The following AGBL3 variants were observed in gnomAD, a reference collection of about 807,000 sequenced individuals.
AGBL3 encodes the protein AGBL carboxypeptidase 3.
AGBL3 carries 68 observed loss-of-function variants against 94.5 expected under a neutral mutation model. The observed-to-expected ratio is 0.72, with a 90% CI of 0.59 to 0.88. AGBL3 has a LOEUF of 0.88. Among genes scored for constraint, AGBL3 ranks in the 40% least tolerant of loss-of-function variants. The probability of loss-of-function intolerance (pLI) is 0.00; values close to 1 mark genes in which losing one functional copy is unlikely to be tolerated. For missense variants in AGBL3, 934 were observed against 1,103.8 expected (o/e 0.85, Z 2.18); for synonymous variants, 354 against 370.7 (o/e 0.95, Z 0.52).
At chr7:135,010,055 C>A in intron 4 of AGBL3, 1 of 433,182 alleles carries the variant, frequency 2.3e-6, no homozygotes, top group South Asian at 1.6e-5. Context: ...GAGTCTCATG[C>A]TGGAGTGAGT....
chr7:135,045,474 G>A lies in AGBL3; in HGVS notation c.1628G>A (p.Gly543Asp), dbSNP rs1409778940. The A allele has an allele frequency of 1.3e-6, 2 of 1,550,346 alleles. No homozygotes were observed. The highest frequency in any genetic ancestry group is 1.7e-6 in the Non-Finnish European group (2 of 1,146,032). ...MEATFCGSTL[G>D]NKRGTHFSTK... is the part of the protein sequence containing the mutation. Reference sequence around the variant, plus strand: ...GTGGATAAACTTATTGATGTTTTAGGTAACAAACGAGGCACTCATTTCAGC... The same window carrying A: ...GTGGATAAACTTATTGATGTTTTAGATAACAAACGAGGCACTCATTTCAGC... Residue 543 changes from glycine (G) to aspartate (D), a missense_variant and splice_region_variant, in exon 10 of 17, where the codon GGT (glycine) becomes GAT (aspartate). By Grantham distance (94) the Gly-to-Asp change is moderately conservative. Transcript: ENST00000436302.
Position 135,000,797 on chromosome 7 carries a change from G to A in AGBL3, c.310+7119G>A, listed in dbSNP as rs185161086. Among the ~76,000 whole-genome samples, 7 of 152,178 alleles carry A rather than the reference G, an allele frequency of 4.6e-5. No individual in the cohort carries two copies. In the East Asian group the frequency reaches 7.7e-4, roughly 17 times the overall value. The stretch of plus-strand genomic sequence containing the variant: ...CCGAACAATTTCTGGTCCAAATTCC[G>A]GCAGTCACTGCTGGATGGTGCTCAC... On this transcript the variant is annotated intron_variant, in intron 4 of 16. Transcript: ENST00000436302.
intron 4 of AGBL3, among the ~76,000 whole-genome samples, chr7:135,004,693 A>C (rs1166449217): frequency 6.6e-6 from 1 of 151,622 alleles, no homozygotes; most frequent in East Asian, 1.9e-4. Flanking sequence ...AAATTTAAGC[A>C]AAGCATTCTC....
intron 9 of AGBL3, among the ~76,000 whole-genome samples, chr7:135,044,647 A>C (rs1019067558): frequency 2.6e-5 from 4 of 152,178 alleles, no homozygotes; most frequent in Admixed American, 6.5e-5. Context: ...TCACATTATC[A>C]GAAAAATGTA....
chr7:135,069,514 TAAC>T (rs1205361763), intron 12 of AGBL3, among the ~76,000 whole-genome samples: 2 of 152,272 alleles, frequency 1.3e-5, no homozygotes, highest in Admixed American at 1.3e-4. Flanking sequence ...ACAGAAATGA[TAAC>T]AAACTGTCTC....
chr7:135,033,092 A>G, intron 6 of AGBL3, 110 bp downstream of exon 6: 1 of 1,072,170 alleles, frequency 9.3e-7, no homozygotes. Flanking sequence ...TCCTTGAAGT[A>G]TGGATACTAT....
intron 15 of AGBL3, among the ~76,000 whole-genome samples, chr7:135,098,239 T>C (rs146955949): frequency 7.3e-4 from 111 of 152,288 alleles, no homozygotes; most frequent in African/African-American, 2.6e-3. Context: ...GGAGGATTGT[T>C]TCCAGGATCT....
Position 135,037,553 on chromosome 7 carries a change from T to C in AGBL3, c.1473T>C (p.Leu491=), listed in dbSNP as rs1456213432. The change falls in exon 8 of 17, where the codon CTT becomes CTC. Residue 491 remains leucine (L), a synonymous_variant. Transcript: ENST00000436302. ...ACTTACAGCAACGAATCTTCCCACT[T>C]ATGCTAAGCAAAAATTGTCCAGATA... is the stretch of plus-strand genomic sequence containing the variant. ...TLYLQQRIFP[L]MLSKNCPDKF... 6.5e-7 allele frequency: 1 copy of C among 1,540,554 alleles called. No homozygotes were observed. The highest frequency in any genetic ancestry group is 8.8e-7 in the Non-Finnish European group (1 of 1,142,636).
At chr7:135,129,334 AATT>A in intron 16 of AGBL3, 1 of 1,161,076 alleles carries the variant, frequency 8.6e-7, no homozygotes, top group South Asian at 1.2e-5. Context: ...ACTGCAGAGA[AATT>A]AATAGACTTA....
chr7:135,069,304 T>C (rs1359166806), intron 12 of AGBL3, among the ~76,000 whole-genome samples: 1 of 152,090 alleles, frequency 6.6e-6, no homozygotes, highest in Non-Finnish European at 1.5e-5. Context: ...CTGTCAACAT[T>C]AGACAGATCA....
Position 134,993,697 on chromosome 7 carries a change from G to A in AGBL3, c.310+19G>A. On this transcript the variant is annotated intron_variant, in intron 4 of 16. Transcript: ENST00000436302. ...CATATTGGTATGTTTTTAGCAGTTTGGGGGATTCAGACATTAGCAAACTTA... is the reference window on the plus strand; with the variant it reads ...CATATTGGTATGTTTTTAGCAGTTTAGGGGATTCAGACATTAGCAAACTTA... 3.3e-6 allele frequency: 5 copies of A among 1,504,756 alleles called. No homozygotes were observed. Among genetic ancestry groups the A allele is most frequent in the Non-Finnish European group, 4.5e-6 (5 of 1,121,566 alleles). The allele number at this position is 1,504,756 out of a possible 1,614,324, so 93.2% of individuals were successfully genotyped here. A position where few individuals can be genotyped will look rare whatever the true frequency, so the allele number is the denominator to read the frequency against.
chr7:135,002,805 GTGTTTTTTGTTCA>G (rs1217533963), intron 4 of AGBL3, among the ~76,000 whole-genome samples: 1 of 152,106 alleles, frequency 6.6e-6, no homozygotes, highest in African/African-American at 2.4e-5. Flanking sequence ...TACTTGATAT[GTGTTTTTTGTTCA>G]TGTATTCTTT....
At chr7:135,094,529 T>C in intron 15 of AGBL3, 1 of 456,702 alleles carries the variant, frequency 2.2e-6, no homozygotes, top group South Asian at 1.5e-5. Context: ...GTGGACTTTA[T>C]CTTCAGGAAT....
At chr7:135,067,626 C>A (rs1379564444) in intron 12 of AGBL3, among the ~76,000 whole-genome samples, 1 of 152,204 alleles carries the variant, frequency 6.6e-6, no homozygotes. Flanking sequence ...CCCAGGCAAA[C>A]AGGGTCTGGA....
At chr7:135,126,452 G>A (rs1371849022) in intron 16 of AGBL3, among the ~76,000 whole-genome samples, 1 of 152,140 alleles carries the variant, frequency 6.6e-6, no homozygotes, top group African/African-American at 2.4e-5. Flanking sequence ...TCATGAAAAT[G>A]GCAGTACTGC....
At chr7:135,027,516 GT>G (rs1220212835) in intron 5 of AGBL3, among the ~76,000 whole-genome samples, 1 of 151,194 alleles carries the variant, frequency 6.6e-6, no homozygotes, top group African/African-American at 2.4e-5. Context: ...TGGCATCATT[GT>G]TTTTTTATCC....
chr7:135,123,085 T>C (rs940390630), intron 16 of AGBL3, among the ~76,000 whole-genome samples: 1 of 149,812 alleles, frequency 6.7e-6, no homozygotes, highest in Non-Finnish European at 1.5e-5. Flanking sequence ...AGATGAGTAA[T>C]AAAAAACGGC....
Position 135,034,212 on chromosome 7 carries a change from G to A in AGBL3, c.621G>A (p.Trp207Ter). Residue 207 changes from tryptophan to a stop codon, truncating the protein, a stop_gained, in exon 7 of 17, where the codon TGG (tryptophan) becomes TGA (stop). Transcript: ENST00000436302. LOFTEE classifies it high-confidence loss of function. ...TCTTCACAAATAAACACACCCAGTG[G>A]TACTATTTCCAAGTCACTAATATGC... Reference protein sequence around the residue: ...PDLFTNKHTQWYYFQVTNMRA... With the variant: ...PDLFTNKHTQ 6.4e-7 allele frequency: 1 copy of A among 1,551,506 alleles called. No homozygotes were observed. Among genetic ancestry groups the A allele is most frequent in the Non-Finnish European group, 8.7e-7 (1 of 1,146,904 alleles).
chr7:135,073,512 A>ACC (rs1554510801), intron 12 of AGBL3, among the ~76,000 whole-genome samples: 15 of 144,122 alleles, frequency 1.0e-4, no homozygotes, highest in African/African-American at 3.3e-4. Context: ...ATAAATAAAT[A>ACC]AACCTTGCAG....
Sources: allele counts gnomAD v4.1 joint callset (sites outside exome capture counted in the v4.1 genomes callset), GRCh38; gene constraint gnomAD v4.1.1; transcripts MANE v1.5; gene names NCBI Gene and HGNC (gene_info 2026-07-23, HGNC 2026-07-21).